Variants in PCDH11X observed in about 807,000 individuals in gnomAD.
PCDH11X encodes the protein protocadherin-11 X-linked.
PCDH11X carries 18 observed loss-of-function variants against 53.3 expected under a neutral mutation model. The ratio of observed to expected loss-of-function variants is 0.34; its 90% CI spans 0.23 to 0.50. PCDH11X has a LOEUF of 0.50. Ranked by LOEUF, PCDH11X falls within the 20% of genes least tolerant of loss-of-function variation. The pLI is 0.98. For synonymous variants in PCDH11X, 279 were observed against 393.3 expected (o/e 0.71, Z 3.44); for missense variants, 570 against 1,032.4 (o/e 0.55, Z 6.14).
chrX:92,054,783 G>T (rs1358016540), intron 6 of PCDH11X, among the ~76,000 whole-genome samples: 2 of 88,719 alleles, frequency 2.3e-5, no homozygotes, highest in East Asian at 7.7e-4. Context: ...TCGTGCCATT[G>T]CACTCCAGCC....
At chrX:92,102,537 A>T (rs1242302814) in intron 6 of PCDH11X, among the ~76,000 whole-genome samples, 1 of 111,451 alleles carries the variant, frequency 9.0e-6, no homozygotes, top group African/African-American at 3.3e-5. Context: ...TTTTAGGAGA[A>T]TTATGCCGAA....
chrX:91,910,275 GT>G (rs1386564141), intron 6 of PCDH11X, among the ~76,000 whole-genome samples: 2 of 104,931 alleles, frequency 1.9e-5, no homozygotes, highest in Non-Finnish European at 3.9e-5. Context: ...TAAAAACACT[GT>G]GTTTCCCTGG....
At chrX:91,845,289 T>C (rs1479912780) in intron 5 of PCDH11X, among the ~76,000 whole-genome samples, 1 of 109,818 alleles carries the variant, frequency 9.1e-6, no homozygotes. Context: ...AGTGGTTTCA[T>C]ACTGCTTTGG....
intron 5 of PCDH11X, among the ~76,000 whole-genome samples, chrX:91,853,650 A>T (rs1938163426): frequency 9.1e-6 from 1 of 109,324 alleles, no homozygotes; most frequent in South Asian, 3.8e-4. Flanking sequence ...AAAAGATAAA[A>T]ATTGACATCT....
At chrX:92,257,505 C>T (rs1286270050) in intron 7 of PCDH11X, among the ~76,000 whole-genome samples, 2 of 111,832 alleles carry the variant, frequency 1.8e-5, no homozygotes, top group African/African-American at 6.5e-5. Context: ...TAGGCTAGTC[C>T]CTTCTGTCTA....
intron 9 of PCDH11X, among the ~76,000 whole-genome samples, chrX:92,405,536 T>C (rs1301942135): frequency 9.1e-6 from 1 of 109,599 alleles, no homozygotes; most frequent in Non-Finnish European, 1.9e-5. Flanking sequence ...AAAGCTTTAG[T>C]TGTATTTTTT....
intron 6 of PCDH11X, among the ~76,000 whole-genome samples, chrX:91,972,749 A>G (rs1318183446): frequency 9.1e-6 from 1 of 109,652 alleles, no homozygotes; most frequent in Admixed American, 9.8e-5. Flanking sequence ...GTCAAAGATC[A>G]GATGGTTGTA....
intron 9 of PCDH11X, among the ~76,000 whole-genome samples, chrX:92,462,921 T>C (rs929052945): frequency 9.0e-6 from 1 of 110,774 alleles, no homozygotes; most frequent in Non-Finnish European, 1.9e-5. Flanking sequence ...ACAATGTAAT[T>C]AGTGAAGTCA....
At chrX:92,069,922 T>G (rs2063672509) in intron 6 of PCDH11X, among the ~76,000 whole-genome samples, 1 of 111,087 alleles carries the variant, frequency 9.0e-6, no homozygotes, top group African/African-American at 3.3e-5. Context: ...CCTCAGGTGA[T>G]CTGCCTGCCT....
chrX:92,026,452 A>G (rs760097172), intron 6 of PCDH11X, among the ~76,000 whole-genome samples: 81 of 110,532 alleles, frequency 7.3e-4, no homozygotes, highest in African/African-American at 2.5e-3. Flanking sequence ...GATCACTCAC[A>G]CTGGAGGAAT....
intron 7 of PCDH11X, among the ~76,000 whole-genome samples, chrX:92,253,849 G>A (rs1393550818): frequency 2.7e-5 from 3 of 111,608 alleles, no homozygotes; most frequent in African/African-American, 9.8e-5. Context: ...TGGAGTCTAG[G>A]TTTTCCATAT....
At chrX:92,125,853 G>A (rs1211211085) in intron 6 of PCDH11X, among the ~76,000 whole-genome samples, 1 of 110,308 alleles carries the variant, frequency 9.1e-6, no homozygotes, top group Non-Finnish European at 1.9e-5. Context: ...GAGGCTGGGC[G>A]CAGTGTCTCA....
At chrX:92,428,662 A>G (rs1031048171) in intron 9 of PCDH11X, among the ~76,000 whole-genome samples, 2 of 110,514 alleles carry the variant, frequency 1.8e-5, no homozygotes, top group African/African-American at 6.6e-5. Flanking sequence ...TTACTTACTT[A>G]TTTTCTTTCA....
rs1191277649 is a variant in PCDH11X at position 92,403,339 on chromosome X, G to GTTTTTTTTTTTTTT, written c.3343+15414_3343+15427dup. ...TGTCCGGGCATTTACGTTTTTTTTT[G>GTTTTTTTTTTTTTT]TTTTTTTTTTTTTTTTTTTTTGTAG... On this transcript the variant is annotated intron_variant, in intron 9 of 10. Coordinates refer to ENST00000682573, the MANE Select transcript of PCDH11X (RefSeq NM_032968.5). Among the ~76,000 whole-genome samples, 175 of 49,345 alleles carry GTTTTTTTTTTTTTT rather than the reference G, an allele frequency of 3.5e-3. 3 individuals carry two copies. Among genetic ancestry groups the GTTTTTTTTTTTTTT allele is most frequent in the Middle Eastern group, 0.023 (1 of 43 alleles). 42.9% of individuals were successfully genotyped at this position (49,345 alleles called of 115,157 possible). A position where few individuals can be genotyped will look rare whatever the true frequency, so the allele number is the denominator to read the frequency against.
Position 92,618,478 on chromosome X carries a change from T to C in PCDH11X, c.3582T>C (p.Ala1194=), listed in dbSNP as rs781300273. ...HHSPRVTQTI[A]LCHSPPVTQT... is the part of the protein sequence containing the mutation. ...GCCCACGAGTGACACAGACCATTGC[T>C]CTCTGCCACAGCCCTCCAGTGACAC... The change falls in exon 11 of 11, where the codon GCT becomes GCC. Residue 1194 remains alanine (A), a synonymous_variant. Coordinates refer to ENST00000682573, the MANE Select transcript of PCDH11X (RefSeq NM_032968.5). 3.3e-6 allele frequency: 4 copies of C among 1,210,886 alleles called. No homozygotes were observed. In the South Asian group the frequency reaches 7.0e-5, roughly 21 times the overall value.
At chrX:92,273,865 G>A (rs1004380771) in intron 8 of PCDH11X, among the ~76,000 whole-genome samples, 3 of 110,985 alleles carry the variant, frequency 2.7e-5, no homozygotes, top group African/African-American at 6.6e-5. Flanking sequence ...ATTAGAGAGT[G>A]CCTAAGGAGA....
intron 6 of PCDH11X, among the ~76,000 whole-genome samples, chrX:92,171,208 C>A (rs1373504137): frequency 9.5e-6 from 1 of 104,762 alleles, no homozygotes; most frequent in Non-Finnish European, 2.0e-5. Context: ...ATTTTACAAA[C>A]AAGGAAACTG....
At chrX:91,854,298 GATCC>G (rs1241782853) in intron 5 of PCDH11X, among the ~76,000 whole-genome samples, 21 of 111,920 alleles carry the variant, frequency 1.9e-4, no homozygotes, top group Admixed American at 5.7e-4. Flanking sequence ...TTAACATAAT[GATCC>G]ATCCATCCAT....
At chrX:91,824,747 C>T (rs1283440641) in intron 4 of PCDH11X, among the ~76,000 whole-genome samples, 19 of 108,740 alleles carry the variant, frequency 1.7e-4, no homozygotes, top group Middle Eastern at 4.6e-3. Flanking sequence ...GGAGGAGAGG[C>T]GCTCTGCTTT....
Sources: gnomAD v4.1 joint callset for allele counts (sites outside exome capture counted in the v4.1 genomes callset) on GRCh38, gnomAD v4.1.1 for gene constraint, MANE v1.5 for transcripts, NCBI Gene and HGNC (gene_info 2026-07-23, HGNC 2026-07-21) for gene names.